CDCA2: variants seen among roughly 807,000 people sequenced by gnomAD.
CDCA2 encodes cell division cycle associated 2.
A neutral mutation model predicts 67.0 loss-of-function variants in CDCA2; 44 were observed. The observed-to-expected ratio is 0.66, with a 90% CI of 0.52 to 0.84. The LOEUF is 0.84. Among genes scored for constraint, CDCA2 ranks in the 40% least tolerant of loss-of-function variants. CDCA2 has a pLI of 0.00. For missense variants in CDCA2, 1,253 were observed against 1,203.2 expected (o/e 1.04, Z -0.61); for synonymous variants, 447 against 418.7 (o/e 1.07, Z -0.82).
chr8:25,477,380 C>T (rs1455963697), intron 7 of CDCA2, among the ~76,000 whole-genome samples: 3 of 152,128 alleles, frequency 2.0e-5, no homozygotes, highest in Non-Finnish European at 4.4e-5. Flanking sequence ...TGCCCCCCCT[C>T]GACCTTCATG....
intron 13 of CDCA2, among the ~76,000 whole-genome samples, chr8:25,496,289 TAATG>T (rs1804220615): frequency 6.6e-6 from 1 of 152,198 alleles, no homozygotes; most frequent in African/African-American, 2.4e-5. Context: ...TTTTTTTAAT[TAATG>T]GACACTTTAG....
At chr8:25,495,700 G>A (rs1024106095) in intron 13 of CDCA2, among the ~76,000 whole-genome samples, 4 of 152,146 alleles carry the variant, frequency 2.6e-5, no homozygotes, top group Non-Finnish European at 5.9e-5. Flanking sequence ...GATTACAGGC[G>A]TGAGCCACTG....
At chr8:25,488,392 C>T (rs1803864314) in intron 12 of CDCA2, among the ~76,000 whole-genome samples, 160 bp from the exon 13 acceptor site, 1 of 152,146 alleles carries the variant, frequency 6.6e-6, no homozygotes, top group African/African-American at 2.4e-5. Flanking sequence ...ACCATTTCCA[C>T]CAATTTTCAT....
At chr8:25,506,362 CAG>C (rs1804676328) in intron 14 of CDCA2, 146 bp from the exon 15 acceptor site, 1 of 620,328 alleles carries the variant, frequency 1.6e-6, no homozygotes, top group African/African-American at 1.9e-5. Flanking sequence ...AGGAGGATGA[CAG>C]AAGGGCAAGC....
Position 25,487,240 on chromosome 8 carries a change from T to A in CDCA2, c.1445-6T>A, listed in dbSNP as rs1803812996. 4.4e-6 allele frequency: 7 copies of A among 1,598,410 alleles called. No individual in the cohort carries two copies. In the South Asian group the frequency reaches 7.8e-5, roughly 18 times the overall value. ...ACCCTGATTTAGCTTTTGTCTTGTTTATCAGGCACTGATACCTTTAGTTCT... is the reference window on the plus strand; with the variant it reads ...ACCCTGATTTAGCTTTTGTCTTGTTAATCAGGCACTGATACCTTTAGTTCT... On this transcript the variant is annotated splice_polypyrimidine_tract_variant and splice_region_variant and intron_variant, in intron 11 of 14. Transcript: ENST00000330560.
At chr8:25,472,874 A>G (rs561268379) in intron 7 of CDCA2, among the ~76,000 whole-genome samples, 4 of 152,078 alleles carry the variant, frequency 2.6e-5, no homozygotes, top group African/African-American at 4.8e-5. Flanking sequence ...ACGTTTGAAA[A>G]TTACTCTCTT....
chr8:25,462,987 G>A (rs540043700), intron 4 of CDCA2, among the ~76,000 whole-genome samples: 1 of 152,190 alleles, frequency 6.6e-6, no homozygotes, highest in African/African-American at 2.4e-5. Context: ...GGTATTTTTA[G>A]AGTTATGAGA....
intron 12 of CDCA2, among the ~76,000 whole-genome samples, chr8:25,487,573 C>T (rs1053426069): frequency 6.6e-6 from 1 of 152,066 alleles, no homozygotes; most frequent in Non-Finnish European, 1.5e-5. Flanking sequence ...AATCCCATCT[C>T]TACTAGAAAT....
At chr8:25,479,727 G>A (rs972503781) in intron 7 of CDCA2, 186 bp from the exon 8 acceptor site, 8 of 606,498 alleles carry the variant, frequency 1.3e-5, no homozygotes, top group African/African-American at 7.4e-5. Flanking sequence ...AAAACTGACC[G>A]ATGCTGCTTC....
chr8:25,460,033 C>T (rs1480335740), intron 1 of CDCA2, among the ~76,000 whole-genome samples: 1 of 152,124 alleles, frequency 6.6e-6, no homozygotes, highest in African/African-American at 2.4e-5. Context: ...TTACGAATTG[C>T]ATGCCTGTAT....
chr8:25,465,761 C>T (rs960034902), intron 4 of CDCA2, among the ~76,000 whole-genome samples: 1 of 152,038 alleles, frequency 6.6e-6, no homozygotes, highest in Non-Finnish European at 1.5e-5. Context: ...TGTGTAGACC[C>T]GTGCTGAGTA....
intron 13 of CDCA2, among the ~76,000 whole-genome samples, chr8:25,497,382 T>TA (rs1273770843): frequency 2.0e-5 from 3 of 151,642 alleles, no homozygotes; most frequent in Non-Finnish European, 4.4e-5. Context: ...TATTCAGCCT[T>TA]AAAGAAATCC....
chr8:25,504,022 TAAAAA>T (rs577458745), intron 14 of CDCA2, among the ~76,000 whole-genome samples: 1 of 146,944 alleles, frequency 6.8e-6, no homozygotes, highest in African/African-American at 2.5e-5. Flanking sequence ...CCCCATCTCT[TAAAAA>T]AAAAAGGAAC....
At chr8:25,470,425 T>C (rs1803106255) in intron 7 of CDCA2, among the ~76,000 whole-genome samples, 1 of 152,230 alleles carries the variant, frequency 6.6e-6, no homozygotes, top group Non-Finnish European at 1.5e-5. Context: ...CTTATGGGCA[T>C]ATAATTGGAT....
chr8:25,495,353 C>G (rs554891559), intron 13 of CDCA2, among the ~76,000 whole-genome samples: 1 of 151,976 alleles, frequency 6.6e-6, no homozygotes, highest in South Asian at 2.1e-4. Flanking sequence ...CTTACTATGT[C>G]AAGTTGGTGG....
rs747801595 is a variant in CDCA2 at position 25,461,987 on chromosome 8, G to A, written c.233-67G>A. The A allele has an allele frequency of 2.3e-4, 341 of 1,454,246 alleles. 4 individuals carry two copies. In the South Asian group the frequency reaches 2.5e-3, roughly 11 times the overall value. The allele number at this position is 1,454,246 out of a possible 1,614,324, so 90.1% of individuals were successfully genotyped here. A position where few individuals can be genotyped will look rare whatever the true frequency, so the allele number is the denominator to read the frequency against. On this transcript the variant is annotated intron_variant, in intron 3 of 14. Transcript: ENST00000330560. ...TTTCTCTCTCAGGCTGGTACATCACGAGTATTGGATGTGGTTACTGATGAT... is the reference window on the plus strand; with the variant it reads ...TTTCTCTCTCAGGCTGGTACATCACAAGTATTGGATGTGGTTACTGATGAT...
chr8:25,490,089 C>T (rs1449854729), intron 13 of CDCA2, among the ~76,000 whole-genome samples: 1 of 152,060 alleles, frequency 6.6e-6, no homozygotes, highest in Non-Finnish European at 1.5e-5. Flanking sequence ...TGCTTTAGTT[C>T]CTTTTTAGGT....
At chr8:25,476,310 A>G (rs1586484680) in intron 7 of CDCA2, among the ~76,000 whole-genome samples, 2 of 152,178 alleles carry the variant, frequency 1.3e-5, no homozygotes, top group South Asian at 4.1e-4. Flanking sequence ...TTCAGATTTA[A>G]CTGGGCCCCT....
intron 12 of CDCA2, among the ~76,000 whole-genome samples, chr8:25,488,316 C>T (rs918440659): frequency 7.2e-5 from 11 of 152,028 alleles, no homozygotes; most frequent in African/African-American, 2.4e-4. Flanking sequence ...TCTTTCTTCC[C>T]TAATATAATT....
Sources: allele counts gnomAD v4.1 joint callset (sites outside exome capture counted in the v4.1 genomes callset), GRCh38; gene constraint gnomAD v4.1.1; transcripts MANE v1.5; gene names NCBI Gene and HGNC (gene_info 2026-07-23, HGNC 2026-07-21).